The following LRMDA variants were observed in gnomAD, a reference collection of about 807,000 sequenced individuals.
LRMDA encodes the protein leucine-rich melanocyte differentiation-associated protein.
In LRMDA, 18 loss-of-function variants were observed where a neutral mutation model predicts 29.8. The observed-to-expected ratio is 0.60, with a 90% confidence interval of 0.42 to 0.90. LRMDA has a LOEUF of 0.90. Ranked by LOEUF, LRMDA falls within the 40% of genes least tolerant of loss-of-function variation. The pLI is 0.00. For missense variants in LRMDA, 273 were observed against 273.9 expected, an observed-to-expected ratio of 1.00 and a Z score of 0.02; for synonymous variants, 125 against 109.4, an observed-to-expected ratio of 1.14 and a Z score of -0.89.
rs770930506 is a variant in LRMDA, at chr10:75,565,695, TA to T, written c.131+127202del. 8.7e-4 allele frequency among the ~76,000 whole-genome samples: 132 copies of T among 152,202 alleles called. 1 individual carries two copies. Among genetic ancestry groups the T allele is most frequent in the Non-Finnish European group, 1.7e-3 (118 of 68,032 alleles). ...TAAATAAAGTCATGGAAAGGTATGT[TA>T]TTTTTTTGCTGGTCAACCTCATTGT... is the stretch of plus-strand genomic sequence containing the variant. On this transcript the variant is annotated intron_variant, in intron 2 of 6. Coordinates refer to ENST00000611255, the MANE Select transcript of LRMDA (RefSeq NM_001305581.2).
At chr10:75,476,991 C>T (rs1426908908) in intron 2 of LRMDA, among the ~76,000 whole-genome samples, 1 of 151,654 alleles carries the variant, frequency 6.6e-6, no homozygotes, top group Admixed American at 6.6e-5. Flanking sequence ...TCTTTTCTCT[C>T]TCTCTTTTTT....
intron 2 of LRMDA, among the ~76,000 whole-genome samples, chr10:75,910,787 C>T (rs899406419): frequency 6.6e-6 from 1 of 152,172 alleles, no homozygotes; most frequent in African/African-American, 2.4e-5. Context: ...GGTCTCTCTA[C>T]CAGATACCGA....
At chr10:76,414,265 A>G (rs868088454) in intron 6 of LRMDA, among the ~76,000 whole-genome samples, 32 of 152,348 alleles carry the variant, frequency 2.1e-4, no homozygotes, top group African/African-American at 7.5e-4. Flanking sequence ...ATAAGGTATC[A>G]CTAATATTTA....
chr10:75,438,825 G>A (rs1205503080), intron 2 of LRMDA, among the ~76,000 whole-genome samples: 1 of 152,188 alleles, frequency 6.6e-6, no homozygotes, highest in Non-Finnish European at 1.5e-5. Context: ...ATACTCTTGG[G>A]GAAGGAATGA....
intron 2 of LRMDA, among the ~76,000 whole-genome samples, chr10:75,776,221 A>C (rs1354758878): frequency 6.6e-6 from 1 of 152,114 alleles, no homozygotes; most frequent in East Asian, 1.9e-4. Flanking sequence ...GCCTTTTACA[A>C]CTGCTGCTAT....
intron 5 of LRMDA, among the ~76,000 whole-genome samples, chr10:76,231,861 C>T (rs554904308): frequency 1.6e-4 from 25 of 152,214 alleles, no homozygotes; most frequent in African/African-American, 5.5e-4. Flanking sequence ...GAGATTAGTG[C>T]TTTCTTATCA....
At chr10:76,473,066 A>G (rs967818841) in intron 6 of LRMDA, among the ~76,000 whole-genome samples, 2 of 151,674 alleles carry the variant, frequency 1.3e-5, no homozygotes, top group Non-Finnish European at 3.0e-5. Context: ...AAAAGGCATC[A>G]TAAGAAAGAA....
At chr10:76,214,330 A>ATTTTTTTTTTT (rs753986574) in intron 5 of LRMDA, among the ~76,000 whole-genome samples, 6 of 87,244 alleles carry the variant, frequency 6.9e-5, no homozygotes, top group Admixed American at 1.5e-4. Flanking sequence ...CTTGAACCAA[A>ATTTTTTTTTTT]TTTTTTTTTT....
intron 5 of LRMDA, among the ~76,000 whole-genome samples, chr10:76,283,091 A>C (rs894020818): frequency 1.3e-5 from 2 of 152,232 alleles, no homozygotes; most frequent in African/African-American, 2.4e-5. Flanking sequence ...TCAAGGTTGC[A>C]GCATATCTTA....
intron 5 of LRMDA, among the ~76,000 whole-genome samples, chr10:76,172,111 C>A (rs1001975433): frequency 6.6e-6 from 1 of 152,126 alleles, no homozygotes; most frequent in African/African-American, 2.4e-5. Flanking sequence ...CTCTTCCCAC[C>A]AGAGTGAGAA....
rs566291705 is a variant in LRMDA at position 75,874,175 on chromosome 10, G to A, written c.132-161833G>A. ...TTAGACTTAATTCTGATCAATAAAT[G>A]TAAGTTAATTAAGTAAAAGTCGGGG... On this transcript the variant is annotated intron_variant, in intron 2 of 6. Coordinates refer to ENST00000611255, the MANE Select transcript of LRMDA (RefSeq NM_001305581.2). Among the ~76,000 whole-genome samples, 481 of 152,302 alleles carry A rather than the reference G, an allele frequency of 3.2e-3. 2 individuals are homozygous for A. Among genetic ancestry groups the A allele is most frequent in the Middle Eastern group, 6.8e-3 (2 of 294 alleles).
At chr10:75,590,821 T>A (rs1268726578) in intron 2 of LRMDA, among the ~76,000 whole-genome samples, 1 of 132,740 alleles carries the variant, frequency 7.5e-6, no homozygotes, top group Non-Finnish European at 1.6e-5. Context: ...TAATCTCATC[T>A]CACTGCAATT....
intron 2 of LRMDA, among the ~76,000 whole-genome samples, chr10:75,529,813 G>T (rs1183909259): frequency 2.6e-5 from 4 of 152,122 alleles, no homozygotes; most frequent in Non-Finnish European, 4.4e-5. Context: ...CACAAAATAT[G>T]GTCTAACTCA....
chr10:76,165,302 T>A (rs533441729), intron 5 of LRMDA, among the ~76,000 whole-genome samples: 54 of 151,958 alleles, frequency 3.6e-4, no homozygotes, highest in African/African-American at 1.3e-3. Context: ...AGACAGAGTC[T>A]TGCTCTGTCA....
intron 5 of LRMDA, among the ~76,000 whole-genome samples, chr10:76,147,322 C>A (rs1212792784): frequency 6.6e-6 from 1 of 152,124 alleles, no homozygotes; most frequent in East Asian, 1.9e-4. Context: ...TCAGGTACAC[C>A]AATCAGACGT....
intron 5 of LRMDA, among the ~76,000 whole-genome samples, chr10:76,184,282 C>T (rs1243736685): frequency 2.0e-5 from 3 of 151,944 alleles, no homozygotes; most frequent in African/African-American, 4.8e-5. Context: ...ATGCCCTCCT[C>T]AGCCTCCCAA....
chr10:76,228,998 T>A (rs1006256278), intron 5 of LRMDA, among the ~76,000 whole-genome samples: 1 of 152,210 alleles, frequency 6.6e-6, no homozygotes. Context: ...ACTGTTATAA[T>A]TTTTCTCACT....
At chr10:76,217,428 A>C (rs1392800022) in intron 5 of LRMDA, among the ~76,000 whole-genome samples, 2 of 152,164 alleles carry the variant, frequency 1.3e-5, no homozygotes, top group Admixed American at 1.3e-4. Flanking sequence ...CTTGTGTGAC[A>C]TGAGTTATTT....
intron 5 of LRMDA, among the ~76,000 whole-genome samples, chr10:76,247,432 A>G (rs553132192): frequency 6.6e-6 from 1 of 152,312 alleles, no homozygotes; most frequent in South Asian, 2.1e-4. Context: ...AAGCCATTTC[A>G]GAGCCCAGGG....
Sources: gnomAD v4.1 joint callset for allele counts (sites outside exome capture counted in the v4.1 genomes callset) on GRCh38, gnomAD v4.1.1 for gene constraint, MANE v1.5 for transcripts, NCBI Gene and HGNC (gene_info 2026-07-23, HGNC 2026-07-21) for gene names.